Variants in ZC3H7A observed in about 807,000 individuals in gnomAD.
ZC3H7A encodes zinc finger CCCH-type containing 7A.
ZC3H7A carries 44 observed loss-of-function variants against 125.5 expected under a neutral mutation model. The observed-to-expected ratio is 0.35, with a 90% CI of 0.28 to 0.45. The LOEUF (loss-of-function observed/expected upper bound fraction) is 0.45. Ranked by LOEUF, ZC3H7A falls within the 20% of genes least tolerant of loss-of-function variation. ZC3H7A has a pLI of 1.00. For synonymous variants in ZC3H7A, 399 were observed against 391.2 expected (o/e 1.02, Z -0.23); for missense variants, 977 against 1,170.7 (o/e 0.83, Z 2.41).
chr16:11,761,970 T>C lies in ZC3H7A; in HGVS notation c.2153A>G (p.Asn718Ser). The change falls in exon 18 of 23, where the codon AAC becomes AGC. Residue 718 changes from asparagine (N) to serine (S), a missense_variant. Asn to Ser is a conservative substitution (Grantham distance 46, BLOSUM62 1). Coordinates refer to ENST00000355758, the MANE Select transcript of ZC3H7A (RefSeq NM_014153.4). Reference protein sequence around the residue: ...IKFVCAQCLRNGQVIEPDKNR... With the variant: ...IKFVCAQCLRSGQVIEPDKNR... ...TTTGTCTGGTTCAATGACTTGACCG[T>C]TTCTCAGACACTGGGCGCACACAAA... 6.2e-7 allele frequency: 1 copy of C among 1,613,702 alleles called. No homozygotes were observed.
intron 1 of ZC3H7A, 37 bp from the exon 2 acceptor site, chr16:11,782,425 C>T: frequency 1.3e-6 from 2 of 1,577,820 alleles, no homozygotes; most frequent in Non-Finnish European, 1.7e-6. Flanking sequence ...CATAAGGTAC[C>T]AGGGTCCCTG....
chr16:11,774,305 T>G lies in ZC3H7A; in HGVS notation c.834A>C (p.Gly278=). ...FTMPEAFLDD[G]DMVLGDELDD... ...CTAGTTCATCTCCAAGGACCATATC[T>G]CCATCATCTAGAAAAGCTTCTGGCA... Residue 278 remains glycine, a synonymous_variant, in exon 9 of 23, where the codon GGA becomes GGC. Coordinates refer to ENST00000355758, the MANE Select transcript of ZC3H7A (RefSeq NM_014153.4). 6.2e-7 allele frequency: 1 copy of G among 1,613,952 alleles called. No individual in the cohort carries two copies. Among genetic ancestry groups the G allele is most frequent in the Non-Finnish European group, 8.5e-7 (1 of 1,179,912 alleles).
intron 1 of ZC3H7A, among the ~76,000 whole-genome samples, chr16:11,785,102 G>C (rs540313816): frequency 1.1e-3 from 162 of 152,276 alleles, no homozygotes; most frequent in African/African-American, 3.7e-3. Flanking sequence ...AGGTTGCAGT[G>C]AGCCGAGATG....
At chr16:11,774,667 C>A (rs571009599) in intron 8 of ZC3H7A, 148 bp from the exon 9 acceptor site, 320 of 1,016,230 alleles carry the variant, frequency 3.1e-4, no homozygotes, top group Non-Finnish European at 4.0e-4. Flanking sequence ...CAATTCCAAA[C>A]AGATACAGTC....
At chr16:11,755,224 A>T (rs1256452039) in intron 21 of ZC3H7A, among the ~76,000 whole-genome samples, 1 of 151,990 alleles carries the variant, frequency 6.6e-6, no homozygotes, top group African/African-American at 2.4e-5. Context: ...AAAAAAAAAA[A>T]AATAGAATAA....
chr16:11,756,395 G>C, intron 20 of ZC3H7A, 25 bp from the exon 21 acceptor site: 1 of 1,606,642 alleles, frequency 6.2e-7, no homozygotes, highest in Non-Finnish European at 8.5e-7. Flanking sequence ...ATTACTTTCA[G>C]CAGCAGCAAC....
At chr16:11,794,920 C>T (rs1165302241) in intron 1 of ZC3H7A, among the ~76,000 whole-genome samples, 3 of 151,510 alleles carry the variant, frequency 2.0e-5, no homozygotes, top group African/African-American at 7.3e-5. Context: ...CTGTGTAAAA[C>T]CCCCAACGAA....
At chr16:11,753,383 T>C (rs1179917258) in intron 21 of ZC3H7A, among the ~76,000 whole-genome samples, 1 of 152,244 alleles carries the variant, frequency 6.6e-6, no homozygotes, top group Non-Finnish European at 1.5e-5. Flanking sequence ...AATAATTATC[T>C]GCAACACTGG....
At position 11,763,490 on chromosome 16, in the gene ZC3H7A, G is replaced by A; in HGVS notation, c.1990C>T (p.Gln664Ter). Residue 664 changes from glutamine to a stop codon, truncating the protein, a stop_gained, in exon 16 of 23, where the codon CAA becomes TAA. Coordinates refer to ENST00000355758, the MANE Select transcript of ZC3H7A (RefSeq NM_014153.4). LOFTEE classifies it high-confidence loss of function. ...SLVELKVWIM[Q>*]NETGISHDAI... ...CACTCAAACCTACCTGTTTCATTTTGCATTATCCAGACTTTCAGTTCCACA... is the reference window on the plus strand; with the variant it reads ...CACTCAAACCTACCTGTTTCATTTTACATTATCCAGACTTTCAGTTCCACA... The A allele has an allele frequency of 6.2e-7, 1 of 1,600,960 alleles. No homozygotes were observed. The highest frequency in any genetic ancestry group is 8.5e-7 in the Non-Finnish European group (1 of 1,172,844).
chr16:11,791,455 A>G (rs1417688178), intron 1 of ZC3H7A, among the ~76,000 whole-genome samples: 1 of 152,094 alleles, frequency 6.6e-6, no homozygotes, highest in Non-Finnish European at 1.5e-5. Flanking sequence ...TTGCCACCCT[A>G]AATTGCTGCC....
intron 1 of ZC3H7A, among the ~76,000 whole-genome samples, chr16:11,789,790 T>C (rs1342045796): frequency 6.6e-6 from 1 of 152,030 alleles, no homozygotes; most frequent in East Asian, 1.9e-4. Context: ...AAAGAACTTT[T>C]ATAGGATAGG....
intron 16 of ZC3H7A, chr16:11,763,242 G>A (rs1255010904): frequency 3.1e-6 from 1 of 327,582 alleles, no homozygotes; most frequent in Non-Finnish European, 5.6e-6. Context: ...CAAGTAGCTG[G>A]TATTACAGGC....
intron 19 of ZC3H7A, chr16:11,759,445 T>A (rs2052705232): frequency 6.6e-6 from 1 of 152,206 alleles, no homozygotes; most frequent in Non-Finnish European, 1.5e-5. Context: ...GTACATTTCC[T>A]CCCTTGGACC....
At chr16:11,780,393 T>C (rs2053156247) in intron 3 of ZC3H7A, among the ~76,000 whole-genome samples, 2 of 152,158 alleles carry the variant, frequency 1.3e-5, no homozygotes, top group Admixed American at 1.3e-4. Flanking sequence ...AATGCTGGGA[T>C]TACAGGTGTG....
rs34041916 is a variant in ZC3H7A at position 11,751,903 on chromosome 16, C to CTTT, written c.2727-400_2727-398dup. On this transcript the variant is annotated intron_variant, in intron 22 of 22. Transcript: ENST00000355758. ...ATTACTTAGTTTTTCACTGAAAAAC[C>CTTT]TTTTTTTTTTTTTTTTTTGAGACAG... is the stretch of plus-strand genomic sequence containing the variant. Among the ~76,000 whole-genome samples the CTTT allele has an allele frequency of 3.1e-3, 398 of 128,908 alleles. 3 individuals carry two copies. The highest frequency in any genetic ancestry group is 8.3e-3 in the East Asian group (37 of 4,440). The allele number at this position is 128,908 out of a possible 152,430, so 84.6% of individuals were successfully genotyped here.
chr16:11,774,399 G>A lies in ZC3H7A; in HGVS notation c.740C>T (p.Pro247Leu). ...CAGAGCGCTCTCTTCCACTTGTAGT[G>A]GCAAAATAGAAGTTAAGGGCATAAC... ...VPVMPLTSIL[P>L]LQVEESALPS... The change falls in exon 9 of 23, where the codon CCA becomes CTA. Residue 247 changes from proline to leucine, a missense_variant. Physicochemically the swap from Pro to Leu is moderately conservative, Grantham distance 98. Around this residue, in one of 3 missense-constraint regions of ZC3H7A, gnomAD observed 342 missense variants for 311.3 expected, o/e 1.10. Coordinates refer to ENST00000355758, the MANE Select transcript of ZC3H7A (RefSeq NM_014153.4). 1 of 1,613,516 alleles carries A rather than the reference G, an allele frequency of 6.2e-7. No homozygotes were observed. Among genetic ancestry groups the A allele is most frequent in the Non-Finnish European group, 8.5e-7 (1 of 1,179,686 alleles).
rs768169194 is a variant in ZC3H7A, at chr16:11,752,661, C to G, written c.2726+8G>C. On this transcript the variant is annotated splice_region_variant and intron_variant, in intron 22 of 22. Transcript: ENST00000355758. The stretch of plus-strand genomic sequence containing the variant: ...TCTGACATGGAAAAATTGTAGAAAC[C>G]TACATACCTATCACAAATACTGAAA... The G allele has an allele frequency of 6.2e-7, 1 of 1,609,234 alleles. No homozygotes were observed. The highest frequency in any genetic ancestry group is 8.5e-7 in the Non-Finnish European group (1 of 1,178,480).
intron 18 of ZC3H7A, 72 bp from the exon 19 acceptor site, chr16:11,761,583 A>C: frequency 2.7e-6 from 4 of 1,505,158 alleles, no homozygotes; most frequent in Non-Finnish European, 3.7e-6. Flanking sequence ...GAGAGGCACA[A>C]AGTTTGTACC....
At chr16:11,751,596 TA>T in intron 22 of ZC3H7A, 90 bp from the exon 23 acceptor site, 1 of 1,323,730 alleles carries the variant, frequency 7.6e-7, no homozygotes, top group Non-Finnish European at 1.0e-6. Flanking sequence ...TCACTAGCTT[TA>T]TGATTTGCAT....
Sources: allele counts gnomAD v4.1 joint callset (sites outside exome capture counted in the v4.1 genomes callset), GRCh38; gene constraint gnomAD v4.1.1; regional missense constraint gnomAD v4.1.1; transcripts MANE v1.5; gene names NCBI Gene and HGNC (gene_info 2026-07-23, HGNC 2026-07-21).